The following SENP6 variants were observed in gnomAD, a reference collection of about 807,000 sequenced individuals.
The protein encoded by SENP6 is SUMO specific peptidase 6.
Under a neutral mutation model 134.5 loss-of-function variants are expected in SENP6, and 41 were observed. The observed-to-expected ratio is 0.30, with a 90% CI of 0.24 to 0.40. The LOEUF is 0.40. Ranked by LOEUF, SENP6 falls within the 10% of genes least tolerant of loss-of-function variation. SENP6 has a pLI of 1.00. For missense variants in SENP6, 1,248 were observed against 1,312.5 expected (o/e 0.95, Z 0.76); for synonymous variants, 395 against 429.8 (o/e 0.92, Z 1.00).
intron 18 of SENP6, among the ~76,000 whole-genome samples, chr6:75,700,666 G>GT (rs1379929856): frequency 1.3e-5 from 2 of 152,010 alleles, no homozygotes; most frequent in Non-Finnish European, 2.9e-5. Flanking sequence ...AATATTTTGT[G>GT]TTTTTGGTAG....
At chr6:75,607,038 CAT>C (rs1192650121) in intron 1 of SENP6, among the ~76,000 whole-genome samples, 1 of 152,100 alleles carries the variant, frequency 6.6e-6, no homozygotes, top group African/African-American at 2.4e-5. Context: ...CTGGAGGTGA[CAT>C]CACATTTATT....
At chr6:75,705,562 T>TA (rs1562072750) in intron 19 of SENP6, among the ~76,000 whole-genome samples, 2 of 150,428 alleles carry the variant, frequency 1.3e-5, no homozygotes, top group African/African-American at 4.9e-5. Flanking sequence ...ATAAATAAAT[T>TA]AATTAATTAA....
intron 16 of SENP6, among the ~76,000 whole-genome samples, chr6:75,680,484 G>T (rs1773389947): frequency 6.6e-6 from 1 of 152,184 alleles, no homozygotes; most frequent in South Asian, 2.1e-4. Context: ...AGATCCTGGA[G>T]ATTACATTTT....
chr6:75,689,022 T>C (rs1243842369), intron 16 of SENP6, among the ~76,000 whole-genome samples: 2 of 152,132 alleles, frequency 1.3e-5, no homozygotes, highest in Non-Finnish European at 2.9e-5. Flanking sequence ...GCCGAGATCA[T>C]GCCATTGAAC....
At chr6:75,624,511 G>A (rs538652151) in intron 3 of SENP6, among the ~76,000 whole-genome samples, 2 of 151,674 alleles carry the variant, frequency 1.3e-5, no homozygotes, top group South Asian at 2.1e-4. Context: ...TTGTTCCATC[G>A]ATATCTGAAC....
At chr6:75,656,702 TATCA>T (rs1319707672) in intron 7 of SENP6, among the ~76,000 whole-genome samples, 1 of 152,220 alleles carries the variant, frequency 6.6e-6, no homozygotes, top group African/African-American at 2.4e-5. Context: ...CCTATAACAC[TATCA>T]ATCATTTACC....
Position 75,675,919 on chromosome 6 carries a change from T to C in SENP6, c.1486T>C (p.Trp496Arg), listed in dbSNP as rs1185555032. Residue 496 changes from tryptophan (W) to arginine (R), a missense_variant, in exon 13 of 24, where the codon TGG becomes CGG. Around this residue, in one of 3 missense-constraint regions of SENP6, gnomAD observed 733 missense variants for 725.4 expected, o/e 1.01. Coordinates refer to ENST00000447266, the MANE Select transcript of SENP6 (RefSeq NM_015571.4). ...LNTSDLTKCE[W>R]CNVRKLPVVF... Reference sequence around the variant, plus strand: ...TACCTCTGATCTAACTAAATGTGAATGGTGTAATGTCCGAAAATTACCTGT... The same window carrying C: ...TACCTCTGATCTAACTAAATGTGAACGGTGTAATGTCCGAAAATTACCTGT... The C allele has an allele frequency of 4.3e-6, 7 of 1,611,668 alleles. No individual in the cohort carries two copies. The African/African-American group carries it at 8.0e-5, about 18-fold the overall frequency.
chr6:75,666,108 T>C (rs150909980), intron 9 of SENP6, among the ~76,000 whole-genome samples: 5,580 of 144,964 alleles, frequency 0.038, 186 homozygotes, highest in Non-Finnish European at 0.056. Flanking sequence ...ATATATAAAA[T>C]GTATATATGA....
intron 7 of SENP6, chr6:75,655,261 TGG>T (rs2149856960): frequency 6.6e-6 from 1 of 152,432 alleles, no homozygotes; most frequent in African/African-American, 2.4e-5. Flanking sequence ...TGGCGATCAA[TGG>T]GGTGACAGAT....
At chr6:75,705,950 T>C (rs866009977) in intron 19 of SENP6, among the ~76,000 whole-genome samples, 4 of 122,136 alleles carry the variant, frequency 3.3e-5, no homozygotes, top group Non-Finnish European at 3.3e-5. Context: ...TTTTTTTTTT[T>C]TTTTGAGATG....
intron 2 of SENP6, among the ~76,000 whole-genome samples, chr6:75,622,563 A>G (rs937459663): frequency 2.0e-5 from 3 of 152,310 alleles, no homozygotes; most frequent in South Asian, 4.1e-4. Flanking sequence ...CGTCTCAACA[A>G]AACAAAAACA....
intron 11 of SENP6, 42 bp downstream of exon 11, chr6:75,670,762 T>A: frequency 8.2e-6 from 10 of 1,222,356 alleles, no homozygotes; most frequent in Non-Finnish European, 1.1e-5. Flanking sequence ...ATTATAACAT[T>A]AAAAATTCCG....
intron 1 of SENP6, among the ~76,000 whole-genome samples, chr6:75,606,145 A>T (rs1200023832): frequency 6.6e-6 from 1 of 152,226 alleles, no homozygotes; most frequent in African/African-American, 2.4e-5. Flanking sequence ...TGCCTGTTTG[A>T]CATTTTTGCT....
chr6:75,618,713 T>C (rs1768037397), intron 1 of SENP6, among the ~76,000 whole-genome samples: 1 of 152,184 alleles, frequency 6.6e-6, no homozygotes, highest in Non-Finnish European at 1.5e-5. Context: ...TAAATGTGAG[T>C]TCAGGCTGGT....
intron 22 of SENP6, 43 bp from the exon 23 acceptor site, chr6:75,713,632 A>G (rs1213103958): frequency 6.3e-7 from 1 of 1,592,300 alleles, no homozygotes; most frequent in Non-Finnish European, 8.6e-7. Flanking sequence ...AACTATGTAT[A>G]TTTATATATG....
rs1002564555 is a variant in SENP6 at position 75,717,765 on chromosome 6, T to G, written c.*2171T>G. ...GAGGTTTGTTACTAGACACTGAAACTGCATGACAAGTATCTGGTGTCTTAA... is the reference window on the plus strand; with the variant it reads ...GAGGTTTGTTACTAGACACTGAAACGGCATGACAAGTATCTGGTGTCTTAA... On this transcript the variant is annotated 3_prime_UTR_variant, in exon 24 of 24. Transcript: ENST00000447266. The G allele has an allele frequency of 5.9e-5, 9 of 152,210 alleles. No homozygotes were observed. The highest frequency in any genetic ancestry group is 2.2e-4 in the African/African-American group (9 of 41,468). The allele number at this position is 152,210 out of a possible 1,614,324, so 9.4% of individuals were successfully genotyped here.
intron 16 of SENP6, among the ~76,000 whole-genome samples, chr6:75,691,575 G>GTTTTGTT (rs1241127098): frequency 6.6e-6 from 1 of 151,544 alleles, no homozygotes; most frequent in East Asian, 1.9e-4. Context: ...TTGTTATTGT[G>GTTTTGTT]TTTTGTTTTT....
At chr6:75,640,793 G>T in intron 6 of SENP6, 89 bp downstream of exon 6, 1 of 765,082 alleles carries the variant, frequency 1.3e-6, no homozygotes, top group South Asian at 2.6e-5. Flanking sequence ...GGTTGAATTA[G>T]AGTTTATAAT....
chr6:75,611,476 CTG>C (rs968120914), intron 1 of SENP6: 2 of 152,210 alleles, frequency 1.3e-5, no homozygotes, highest in Non-Finnish European at 2.9e-5. Context: ...TTTAATGAAA[CTG>C]TGCATCTTCC....
Sources: gnomAD v4.1 joint callset for allele counts (sites outside exome capture counted in the v4.1 genomes callset) on GRCh38, gnomAD v4.1.1 for gene constraint, gnomAD v4.1.1 regional missense constraint, MANE v1.5 for transcripts, NCBI Gene and HGNC (gene_info 2026-07-23, HGNC 2026-07-21) for gene names.